The following ZNG1F variants were observed in gnomAD, a reference collection of about 807,000 sequenced individuals.
The protein encoded by ZNG1F is zinc-regulated GTPase metalloprotein activator 1F.
the ZNG1F span, among the ~76,000 whole-genome samples, chr9:41,139,164 G>T: frequency 8.1e-6 from 1 of 123,598 alleles, no homozygotes; most frequent in East Asian, 2.4e-4. Flanking sequence ...ATCCTACGGG[G>T]TGTTCCCTTG....
chr9:41,174,106 C>A, the ZNG1F span, among the ~76,000 whole-genome samples: 26 of 143,502 alleles, frequency 1.8e-4, no homozygotes, highest in South Asian at 4.5e-4. Flanking sequence ...CCTGTAGTCC[C>A]AGCTACTCGG....
chr9:41,203,164 G>C, the ZNG1F span, among the ~76,000 whole-genome samples: 2 of 152,248 alleles, frequency 1.3e-5, no homozygotes, highest in Admixed American at 1.3e-4. Context: ...GCTTTTACTA[G>C]AATGTTAACT....
the ZNG1F span, among the ~76,000 whole-genome samples, chr9:41,144,668 C>T: frequency 6.7e-6 from 1 of 148,368 alleles, no homozygotes; most frequent in African/African-American, 2.5e-5. Context: ...ACACATCCCC[C>T]ACTCCACCCC....
chr9:41,139,161 G>A, the ZNG1F span, among the ~76,000 whole-genome samples: 2 of 121,658 alleles, frequency 1.6e-5, no homozygotes, highest in Non-Finnish European at 3.5e-5. Context: ...TTCATCCTAC[G>A]GGGTGTTCCC....
the ZNG1F span, among the ~76,000 whole-genome samples, chr9:41,193,086 G>A: frequency 7.6e-6 from 1 of 131,800 alleles, no homozygotes. Context: ...TTTTATAGAT[G>A]AGGAAATTGA....
At chr9:41,175,313 G>A in the ZNG1F span, among the ~76,000 whole-genome samples, 22,357 of 139,156 alleles carry the variant, frequency 0.16, 2,640 homozygotes, top group South Asian at 0.26. Context: ...TCCCAAAAAC[G>A]TAATAGTTTT....
At chr9:41,166,195 C>T in the ZNG1F span, among the ~76,000 whole-genome samples, 2 of 114,266 alleles carry the variant, frequency 1.8e-5, no homozygotes, top group East Asian at 5.0e-4. Flanking sequence ...GTCAGGAGCT[C>T]GAGACCAGGC....
chr9:41,155,974 AAAT>A, the ZNG1F span, among the ~76,000 whole-genome samples: 35 of 130,842 alleles, frequency 2.7e-4, no homozygotes, highest in African/African-American at 8.0e-4. Flanking sequence ...CCTAAAACTT[AAAT>A]AATAATAAAT....
At chr9:41,137,264 A>T in the ZNG1F span, among the ~76,000 whole-genome samples, 5 of 150,004 alleles carry the variant, frequency 3.3e-5, no homozygotes, top group Non-Finnish European at 7.4e-5. Context: ...AGGTTATTCC[A>T]TGTATCTGCA....
At chr9:41,152,355 G>C in the ZNG1F span, among the ~76,000 whole-genome samples, 12 of 149,716 alleles carry the variant, frequency 8.0e-5, 1 homozygote, top group Admixed American at 5.4e-4. Context: ...CATAAAGCAA[G>C]TCCTTAGAGA....
At chr9:41,200,058 C>T in the ZNG1F span, among the ~76,000 whole-genome samples, 1 of 128,404 alleles carries the variant, frequency 7.8e-6, no homozygotes, top group South Asian at 3.0e-4. Context: ...ACACTTTCCC[C>T]ATTGTCTTGG....
chr9:41,166,274 C>T, the ZNG1F span, among the ~76,000 whole-genome samples: 5 of 134,604 alleles, frequency 3.7e-5, no homozygotes, highest in African/African-American at 1.1e-4. Flanking sequence ...TAAAAAAATG[C>T]AAAAATTAGC....
the ZNG1F span, among the ~76,000 whole-genome samples, chr9:41,180,141 A>T: frequency 1.7e-5 from 1 of 59,670 alleles, no homozygotes; most frequent in African/African-American, 7.7e-5. Flanking sequence ...TACACATTTT[A>T]TAGACTACAG....
the ZNG1F span, among the ~76,000 whole-genome samples, chr9:41,201,314 T>G: frequency 7.2e-6 from 1 of 139,848 alleles, no homozygotes; most frequent in African/African-American, 2.6e-5. Context: ...AGCAATATGT[T>G]TGTGATGATA....
the ZNG1F span, among the ~76,000 whole-genome samples, chr9:41,201,384 G>C: frequency 2.6e-3 from 346 of 132,682 alleles, 6 homozygotes; most frequent in African/African-American, 8.9e-3. Flanking sequence ...GAGACAATGG[G>C]GGAAGAGGAG....
chr9:41,137,250 G>A, the ZNG1F span, among the ~76,000 whole-genome samples: 1 of 150,254 alleles, frequency 6.7e-6, no homozygotes, highest in Non-Finnish European at 1.5e-5. Flanking sequence ...GATCATTCAG[G>A]AGCAGGTTAT....
chr9:41,166,548 AT>A, the ZNG1F span, among the ~76,000 whole-genome samples: 1 of 132,776 alleles, frequency 7.5e-6, no homozygotes, highest in Non-Finnish European at 1.6e-5. Flanking sequence ...GTTCCTCAAA[AT>A]TACAGAACTC....
chr9:41,137,106 T>C, the ZNG1F span, among the ~76,000 whole-genome samples: 1 of 122,352 alleles, frequency 8.2e-6, no homozygotes, highest in African/African-American at 3.1e-5. Context: ...CTTTTTGATG[T>C]AGGCATTTAG....
the ZNG1F span, among the ~76,000 whole-genome samples, chr9:41,152,298 C>T: frequency 6.7e-6 from 1 of 148,218 alleles, no homozygotes; most frequent in African/African-American, 2.5e-5. Flanking sequence ...ACAAGAAGAG[C>T]TAACTATCCT....
Sources: allele counts gnomAD v4.1 joint callset (sites outside exome capture counted in the v4.1 genomes callset), GRCh38; gene constraint gnomAD v4.1.1; transcripts MANE v1.5; gene names NCBI Gene and HGNC (gene_info 2026-07-23, HGNC 2026-07-21).